AGBL4: variants seen among roughly 807,000 people sequenced by gnomAD.
AGBL4 encodes the protein cytosolic carboxypeptidase 6.
A neutral mutation model predicts 66.4 loss-of-function variants in AGBL4; 58 were observed. The observed-to-expected ratio is 0.87, with a 90% CI of 0.71 to 1.09. The LOEUF (loss-of-function observed/expected upper bound fraction) is 1.09, where lower values mean the gene tolerates loss of function less well. Among genes scored for constraint, AGBL4 ranks in the 50% least tolerant of loss-of-function variants. The pLI, the probability that AGBL4 is intolerant of heterozygous loss-of-function variation, is 0.00. For missense variants in AGBL4, 579 were observed against 631.0 expected (o/e 0.92, Z 0.88); for synonymous variants, 234 against 222.9 (o/e 1.05, Z -0.44).
intron 5 of AGBL4, among the ~76,000 whole-genome samples, chr1:48,998,401 T>C (rs1426302612): frequency 6.6e-6 from 1 of 152,186 alleles, no homozygotes; most frequent in African/African-American, 2.4e-5. Flanking sequence ...TCATACGGTA[T>C]GGTGGAGACT....
chr1:48,692,507 C>T, intron 6 of AGBL4, among the ~76,000 whole-genome samples: 1 of 152,174 alleles, frequency 6.6e-6, no homozygotes, highest in African/African-American at 2.4e-5. Flanking sequence ...GTGGGCTGGC[C>T]ACCCCCAACG....
chr1:49,684,081 G>A (rs949130328), intron 3 of AGBL4, among the ~76,000 whole-genome samples: 65 of 152,276 alleles, frequency 4.3e-4, no homozygotes, highest in African/African-American at 1.5e-3. Flanking sequence ...GGCATAATAA[G>A]AGCCTCTGAC....
intron 3 of AGBL4, among the ~76,000 whole-genome samples, chr1:49,267,910 C>T (rs540749760): frequency 2.0e-5 from 3 of 152,000 alleles, no homozygotes; most frequent in Non-Finnish European, 4.4e-5. Context: ...ATGGGGGAAA[C>T]CACCCCCATG....
At chr1:49,070,823 G>C (rs572318871) in intron 4 of AGBL4, among the ~76,000 whole-genome samples, 5 of 151,950 alleles carry the variant, frequency 3.3e-5, no homozygotes, top group Admixed American at 6.5e-5. Context: ...GCTCCTCTTT[G>C]TGCCTCTGGC....
At chr1:48,811,635 T>C (rs182686338) in intron 6 of AGBL4, among the ~76,000 whole-genome samples, 5 of 152,314 alleles carry the variant, frequency 3.3e-5, no homozygotes, top group African/African-American at 9.6e-5. Flanking sequence ...CCCTCTTCTC[T>C]GATTTCTATT....
intron 5 of AGBL4, among the ~76,000 whole-genome samples, chr1:48,898,941 G>A (rs1044335881): frequency 1.3e-5 from 2 of 152,250 alleles, no homozygotes; most frequent in Admixed American, 6.5e-5. Context: ...TCTCACGAGG[G>A]AGCGCCCATG....
chr1:49,557,565 C>T (rs1215519235), intron 3 of AGBL4, among the ~76,000 whole-genome samples: 1 of 151,994 alleles, frequency 6.6e-6, no homozygotes, highest in African/African-American at 2.4e-5. Context: ...TGATATCTGC[C>T]CATGGAGGGA....
intron 4 of AGBL4, among the ~76,000 whole-genome samples, chr1:49,157,909 C>T (rs1211280472): frequency 6.6e-6 from 1 of 152,110 alleles, no homozygotes; most frequent in East Asian, 1.9e-4. Flanking sequence ...TATCCTTTGC[C>T]TACTTTTTGA....
chr1:49,812,111 TA>T lies in AGBL4; in HGVS notation c.157+39284del, dbSNP rs546690717. 2.0e-5 allele frequency among the ~76,000 whole-genome samples: 3 copies of T among 152,182 alleles called. No homozygotes were observed. The South Asian group carries it at 6.2e-4, about 32-fold the overall frequency. On this transcript the variant is annotated intron_variant, in intron 2 of 13. Coordinates refer to ENST00000371839, the MANE Select transcript of AGBL4 (RefSeq NM_032785.4). ...ATCAATGAGTATCTGTCAAGTGAAT[TA>T]ATGTAGCCTCAATGAGAAAACTAAA...
intron 5 of AGBL4, among the ~76,000 whole-genome samples, chr1:48,963,107 G>A (rs917138804): frequency 7.8e-6 from 1 of 128,834 alleles, no homozygotes; most frequent in Non-Finnish European, 1.5e-5. Flanking sequence ...TCATGCTTCT[G>A]GAGGCTAGGA....
intron 3 of AGBL4, among the ~76,000 whole-genome samples, chr1:49,602,469 A>G (rs1308522692): frequency 6.6e-6 from 1 of 152,180 alleles, no homozygotes; most frequent in African/African-American, 2.4e-5. Flanking sequence ...TAGACTAGAT[A>G]AAGAAAATGT....
chr1:49,958,667 T>G (rs965417259), intron 1 of AGBL4, among the ~76,000 whole-genome samples: 1 of 123,526 alleles, frequency 8.1e-6, no homozygotes, highest in Non-Finnish European at 1.6e-5. Context: ...ACACAGGAAG[T>G]GGAACATCAC....
intron 1 of AGBL4, among the ~76,000 whole-genome samples, chr1:49,881,984 A>C (rs576798797): frequency 6.6e-6 from 1 of 152,178 alleles, no homozygotes; most frequent in South Asian, 2.1e-4. Context: ...CTGAATGGTA[A>C]TACCTAGGTT....
chr1:48,611,946 A>G (rs966124034), intron 9 of AGBL4, among the ~76,000 whole-genome samples: 13 of 152,230 alleles, frequency 8.5e-5, no homozygotes, highest in African/African-American at 2.4e-4. Flanking sequence ...GCCACATTTC[A>G]TAATGAGAAA....
chr1:49,358,285 C>T (rs1644061597), intron 3 of AGBL4, among the ~76,000 whole-genome samples: 1 of 152,080 alleles, frequency 6.6e-6, no homozygotes, highest in Non-Finnish European at 1.5e-5. Flanking sequence ...CTTTCCAAGA[C>T]TCTAGATAAA....
Position 49,410,044 on chromosome 1 carries a change from A to T in AGBL4, c.283-164180T>A, listed in dbSNP as rs145069519. The stretch of plus-strand genomic sequence containing the variant: ...GATGTGTGGGTCCCTGAAGTACTAC[A>T]ATGTAGGAAACTGGTCCAGAAATGC... On this transcript the variant is annotated intron_variant, in intron 3 of 13. Coordinates refer to ENST00000371839, the MANE Select transcript of AGBL4 (RefSeq NM_032785.4). Among the ~76,000 whole-genome samples, 282 of 152,292 alleles carry T rather than the reference A, an allele frequency of 1.9e-3. 2 individuals are homozygous for T. The highest frequency in any genetic ancestry group is 6.4e-3 in the African/African-American group (267 of 41,566).
chr1:49,939,747 C>T (rs997036529), intron 1 of AGBL4, among the ~76,000 whole-genome samples: 3 of 152,124 alleles, frequency 2.0e-5, no homozygotes, highest in Non-Finnish European at 4.4e-5. Context: ...CCATGAATAA[C>T]CTAGAAGAAA....
At chr1:49,484,706 CAAT>C (rs1200910847) in intron 3 of AGBL4, among the ~76,000 whole-genome samples, 1 of 151,508 alleles carries the variant, frequency 6.6e-6, no homozygotes, top group African/African-American at 2.4e-5. Flanking sequence ...TGACTATAGT[CAAT>C]AATAATTTAA....
intron 6 of AGBL4, among the ~76,000 whole-genome samples, chr1:48,671,125 C>G (rs1557868466): frequency 6.6e-6 from 1 of 152,212 alleles, no homozygotes; most frequent in Non-Finnish European, 1.5e-5. Flanking sequence ...CAGCTGTGTG[C>G]TCTCAGCTAC....
Sources: allele counts gnomAD v4.1 joint callset (sites outside exome capture counted in the v4.1 genomes callset), GRCh38; gene constraint gnomAD v4.1.1; transcripts MANE v1.5; gene names NCBI Gene and HGNC (gene_info 2026-07-23, HGNC 2026-07-21).